Variants in STK32B observed in about 807,000 individuals in gnomAD.
STK32B encodes the protein serine/threonine kinase 32B.
Under a neutral mutation model 52.6 loss-of-function variants are expected in STK32B, and 43 were observed. That is an observed-to-expected ratio of 0.82 (90% CI 0.64 to 1.05). The LOEUF is 1.05. Among genes scored for constraint, STK32B ranks in the 50% least tolerant of loss-of-function variants. The pLI is 0.00. For synonymous variants in STK32B, 238 were observed against 204.3 expected (o/e 1.17, Z -1.41); for missense variants, 621 against 534.6 (o/e 1.16, Z -1.59).
At chr4:5,047,590 C>T (rs2108748022), upstream of STK32B, among the ~76,000 whole-genome samples, 1 of 152,352 alleles carries the variant, frequency 6.6e-6, no homozygotes, top group Non-Finnish European at 1.5e-5. Flanking sequence ...CTCATTCCAT[C>T]AACGTATATT....
intron 4 of STK32B, among the ~76,000 whole-genome samples, chr4:5,370,135 A>G (rs144919433): frequency 0.01 from 1,582 of 152,276 alleles, 26 homozygotes; most frequent in East Asian, 0.075. Context: ...TCGGCCTCCC[A>G]AAGTGCTGGG....
intron 3 of STK32B, among the ~76,000 whole-genome samples, chr4:5,265,130 TATAG>T (rs1272822708): frequency 2.6e-5 from 4 of 152,216 alleles, no homozygotes; most frequent in African/African-American, 9.6e-5. Context: ...TTTAATCCCA[TATAG>T]ATAATCAGTT....
chr4:5,153,799 A>G (rs1337418428), intron 2 of STK32B, among the ~76,000 whole-genome samples: 1 of 152,180 alleles, frequency 6.6e-6, no homozygotes, highest in Admixed American at 6.5e-5. Context: ...AGAAACTACA[A>G]AATGTCTACT....
intron 9 of STK32B, among the ~76,000 whole-genome samples, chr4:5,465,627 T>A (rs1367251335): frequency 6.6e-6 from 1 of 152,114 alleles, no homozygotes; most frequent in Non-Finnish European, 1.5e-5. Flanking sequence ...CAAACTCTTA[T>A]CATCTGATCC....
chr4:5,105,736 T>C (rs1714067431), intron 1 of STK32B, among the ~76,000 whole-genome samples: 1 of 151,888 alleles, frequency 6.6e-6, no homozygotes, highest in Admixed American at 6.6e-5. Context: ...GCTAATTTTT[T>C]GTATTTTTAA....
Position 5,499,049 on chromosome 4 carries a change from T to C in STK32B, c.1211T>C (p.Leu404Pro). The change falls in exon 12 of 12, where the codon CTC (leucine) becomes CCC (proline). Residue 404 changes from leucine to proline, a missense_variant. Physicochemically the swap from Leu to Pro is moderately conservative, Grantham distance 98. Coordinates refer to ENST00000282908, the MANE Select transcript of STK32B (RefSeq NM_018401.3). The part of the protein sequence containing the change: ...KLQDGCNNNL[L>P]THTCTRGCSS Reference sequence around the variant, plus strand: ...CAGGACGGGTGCAACAACAACCTCCTCACCCACACCTGCACCCGTGGCTGC... The same window carrying C: ...CAGGACGGGTGCAACAACAACCTCCCCACCCACACCTGCACCCGTGGCTGC... The C allele has an allele frequency of 6.2e-7, 1 of 1,613,522 alleles. No individual in the cohort carries two copies. Among genetic ancestry groups the C allele is most frequent in the Non-Finnish European group, 8.5e-7 (1 of 1,179,668 alleles).
rs564866207 is a variant in STK32B, at chr4:5,340,836, A to G, written c.434+9443A>G. 5.9e-5 allele frequency among the ~76,000 whole-genome samples: 9 copies of G among 152,308 alleles called. No individual in the cohort carries two copies. The South Asian group carries it at 1.5e-3, about 25-fold the overall frequency. On this transcript the variant is annotated intron_variant, in intron 4 of 11. Coordinates refer to ENST00000282908, the MANE Select transcript of STK32B (RefSeq NM_018401.3). Reference sequence around the variant, plus strand: ...TATGTACACATATATATAAATATAAACACCCACACATATATAATAGACACA... The same window carrying G: ...TATGTACACATATATATAAATATAAGCACCCACACATATATAATAGACACA...
At chr4:5,128,520 T>C (rs1361441852) in intron 1 of STK32B, among the ~76,000 whole-genome samples, 1 of 152,212 alleles carries the variant, frequency 6.6e-6, no homozygotes, top group Non-Finnish European at 1.5e-5. Context: ...GTGTTTTTGC[T>C]GGTAAGAGTG....
intron 1 of STK32B, among the ~76,000 whole-genome samples, chr4:5,068,651 T>A (rs1342385817): frequency 6.6e-6 from 1 of 152,106 alleles, no homozygotes; most frequent in East Asian, 1.9e-4. Context: ...GCAGAATTAT[T>A]ATTATTTTTT....
chr4:5,480,436 A>G lies in STK32B; in HGVS notation c.1106+12366A>G, dbSNP rs1291408635. On this transcript the variant is annotated intron_variant, in intron 11 of 11. Transcript: ENST00000282908. Reference sequence around the variant, plus strand: ...TGGTTTGGTTCAGAAAGGCAGGACAACTCAAAGCAGGGTTGGTGGGGGAGC... The same window carrying G: ...TGGTTTGGTTCAGAAAGGCAGGACAGCTCAAAGCAGGGTTGGTGGGGGAGC... 4.6e-5 allele frequency among the ~76,000 whole-genome samples: 7 copies of G among 152,276 alleles called. No homozygotes were observed. In the Middle Eastern group the frequency reaches 0.014, roughly 298 times the overall value.
intron 1 of STK32B, among the ~76,000 whole-genome samples, chr4:5,135,651 C>T (rs997570239): frequency 2.6e-5 from 4 of 152,128 alleles, no homozygotes; most frequent in African/African-American, 9.7e-5. Flanking sequence ...GGAGTGGCTT[C>T]CCTGCATCTG....
intron 4 of STK32B, among the ~76,000 whole-genome samples, chr4:5,333,007 A>G (rs1041500080): frequency 1.9e-4 from 29 of 152,264 alleles, no homozygotes; most frequent in African/African-American, 5.8e-4. Context: ...TTGGGTATAT[A>G]CCCAGTAATG....
chr4:5,278,095 G>T (rs1577283645), intron 3 of STK32B, among the ~76,000 whole-genome samples: 2 of 152,312 alleles, frequency 1.3e-5, no homozygotes. Flanking sequence ...ACTAATGACA[G>T]GCCCCAGGGG....
chr4:5,201,282 C>G (rs1181219099), intron 3 of STK32B, among the ~76,000 whole-genome samples: 1 of 152,164 alleles, frequency 6.6e-6, no homozygotes, highest in African/African-American at 2.4e-5. Context: ...TGTCCCTTCT[C>G]CTGTTTCTGG....
intron 1 of STK32B, among the ~76,000 whole-genome samples, chr4:5,121,456 A>C (rs1205569505): frequency 1.3e-5 from 2 of 152,244 alleles, no homozygotes; most frequent in African/African-American, 4.8e-5. Context: ...ATTAGGGAAC[A>C]GATCATAAAA....
chr4:5,331,160 G>A (rs538566720), intron 3 of STK32B, 60 bp from the exon 4 acceptor site: 111 of 1,506,008 alleles, frequency 7.4e-5, no homozygotes, highest in African/African-American at 2.2e-4. Context: ...GGAGGCATTG[G>A]TCTTGAGGGT....
Position 5,460,339 on chromosome 4 carries a change from C to G in STK32B, c.909+111C>G. The G allele has an allele frequency of 6.8e-7, 1 of 1,474,472 alleles. No homozygotes were observed. The highest frequency in any genetic ancestry group is 1.3e-5 in the South Asian group (1 of 74,160). 91.3% of individuals were successfully genotyped at this position (1,474,472 alleles called of 1,614,324 possible). A position where few individuals can be genotyped will look rare whatever the true frequency, so the allele number is the denominator to read the frequency against. ...TGAGCCCTCTGCTGGCCACTTCCAC[C>G]TGAGCACCAAGGGCTTATGTCTTGC... On this transcript the variant is annotated intron_variant, in intron 9 of 11. Coordinates refer to ENST00000282908, the MANE Select transcript of STK32B (RefSeq NM_018401.3). The surrounding 1 kb of genome is among the most constrained non-coding windows in gnomAD (Gnocchi z 4.8).
At chr4:5,358,919 A>G (rs569776004) in intron 4 of STK32B, among the ~76,000 whole-genome samples, 1 of 152,308 alleles carries the variant, frequency 6.6e-6, no homozygotes, top group East Asian at 1.9e-4. Context: ...GCCTGGGCTC[A>G]TACAGAAGCT....
At chr4:5,303,454 CAT>C (rs767602177) in intron 3 of STK32B, among the ~76,000 whole-genome samples, 14 of 151,920 alleles carry the variant, frequency 9.2e-5, no homozygotes, top group East Asian at 3.9e-4. Flanking sequence ...CATTTTTTCA[CAT>C]GTTTGTTGGT....
Sources: allele counts gnomAD v4.1 joint callset (sites outside exome capture counted in the v4.1 genomes callset), GRCh38; gene constraint gnomAD v4.1.1; non-coding constraint Gnocchi (gnomAD v3.1); transcripts MANE v1.5; gene names NCBI Gene and HGNC (gene_info 2026-07-23, HGNC 2026-07-21).